The following TTBK2 variants were observed in gnomAD, a reference collection of about 807,000 sequenced individuals.
TTBK2 encodes tau tubulin kinase 2.
TTBK2 carries 28 observed loss-of-function variants against 110.8 expected under a neutral mutation model. The observed-to-expected ratio is 0.25, with a 90% CI of 0.19 to 0.35. TTBK2 has a LOEUF of 0.35. Among genes scored for constraint, TTBK2 ranks in the 10% least tolerant of loss-of-function variants. TTBK2 has a pLI of 1.00. For synonymous variants in TTBK2, 532 were observed against 527.3 expected, an observed-to-expected ratio of 1.01 and a Z score of -0.12; for missense variants, 1,369 against 1,500.3, an observed-to-expected ratio of 0.91 and a Z score of 1.45.
rs955867545 is a variant in TTBK2 at position 42,752,086 on chromosome 15, G to A, written c.3160C>T (p.Pro1054Ser). ...IISQSRKSKI[P>S]RPVSWVNTDQ... ...GTGTTGACCCATGAAACTGGCCTTG[G>A]AATTTTGCTCTTTCTAGACTGGGAG... The change falls in exon 14 of 15, where the codon CCA becomes TCA. Residue 1054 changes from proline (P) to serine (S), a missense_variant. Pro to Ser is a moderately conservative substitution (Grantham distance 74, BLOSUM62 -1). Around this residue, in one of 4 missense-constraint regions of TTBK2, gnomAD observed 1,097 missense variants for 1,114.7 expected, o/e 0.98. Coordinates refer to ENST00000267890, the MANE Select transcript of TTBK2 (RefSeq NM_173500.4). 1 of 1,614,162 alleles carries A rather than the reference G, an allele frequency of 6.2e-7. No individual in the cohort carries two copies. Among genetic ancestry groups the A allele is most frequent in the South Asian group, 1.1e-5 (1 of 91,072 alleles).
chr15:42,911,130 G>A (rs1006414935), intron 1 of TTBK2, among the ~76,000 whole-genome samples: 2 of 152,058 alleles, frequency 1.3e-5, no homozygotes, highest in Non-Finnish European at 2.9e-5. Flanking sequence ...AATTGAACGG[G>A]GAGGTTAATA....
At chr15:42,851,605 G>A (rs1169572329) in intron 3 of TTBK2, among the ~76,000 whole-genome samples, 2 of 151,940 alleles carry the variant, frequency 1.3e-5, no homozygotes, top group Non-Finnish European at 2.9e-5. Flanking sequence ...GGTGGGTAAT[G>A]GAGGGGGATT....
chr15:42,774,978 T>C (rs963279734), intron 13 of TTBK2, among the ~76,000 whole-genome samples, 157 bp downstream of exon 13: 3 of 152,220 alleles, frequency 2.0e-5, no homozygotes, highest in African/African-American at 7.2e-5. Flanking sequence ...AATTTCATAT[T>C]GGAGGGTTGA....
At chr15:42,905,483 C>T (rs78263704) in intron 1 of TTBK2, among the ~76,000 whole-genome samples, 1 of 152,050 alleles carries the variant, frequency 6.6e-6, no homozygotes, top group Non-Finnish European at 1.5e-5. Flanking sequence ...TCTCAAACTC[C>T]TGAATTCAAG....
intron 13 of TTBK2, among the ~76,000 whole-genome samples, chr15:42,762,416 TA>T (rs1186240155): frequency 3.3e-5 from 5 of 152,024 alleles, no homozygotes; most frequent in Non-Finnish European, 5.9e-5. Context: ...GATGAGTGGA[TA>T]AAGAAAATGT....
At chr15:42,806,922 T>C (rs1382551832) in intron 9 of TTBK2, among the ~76,000 whole-genome samples, 1 of 152,036 alleles carries the variant, frequency 6.6e-6, no homozygotes, top group African/African-American at 2.4e-5. Context: ...AGCCAAAAGA[T>C]TGGACACCCC....
intron 14 of TTBK2, among the ~76,000 whole-genome samples, chr15:42,750,470 A>G (rs2061850481): frequency 6.6e-6 from 1 of 152,174 alleles, no homozygotes; most frequent in African/African-American, 2.4e-5. Context: ...ACTAAAATAA[A>G]AAATTCACTA....
At chr15:42,814,338 G>A (rs938693477) in intron 7 of TTBK2, among the ~76,000 whole-genome samples, 3 of 152,132 alleles carry the variant, frequency 2.0e-5, no homozygotes, top group Non-Finnish European at 2.9e-5. Flanking sequence ...CAGCACTTTC[G>A]GGGGCCAAGG....
At chr15:42,850,913 G>A (rs948723481) in intron 3 of TTBK2, among the ~76,000 whole-genome samples, 1 of 151,906 alleles carries the variant, frequency 6.6e-6, no homozygotes, top group Non-Finnish European at 1.5e-5. Flanking sequence ...TTGCAGGTGA[G>A]AGGCTGTAAG....
At chr15:42,887,440 C>T (rs987283587) in intron 1 of TTBK2, among the ~76,000 whole-genome samples, 3 of 152,160 alleles carry the variant, frequency 2.0e-5, no homozygotes, top group Non-Finnish European at 4.4e-5. Context: ...AACCTAATCA[C>T]CCTTACCCCG....
At chr15:42,789,100 T>C (rs112510784) in intron 10 of TTBK2, among the ~76,000 whole-genome samples, 2 of 152,198 alleles carry the variant, frequency 1.3e-5, no homozygotes, top group African/African-American at 4.8e-5. Context: ...CTTCTGAAAA[T>C]ACAATTTTAT....
intron 13 of TTBK2, among the ~76,000 whole-genome samples, chr15:42,762,338 C>A (rs1441937836): frequency 6.6e-6 from 1 of 152,222 alleles, no homozygotes; most frequent in Non-Finnish European, 1.5e-5. Context: ...GATATCTGCA[C>A]ACTCACGTTT....
intron 3 of TTBK2, among the ~76,000 whole-genome samples, chr15:42,842,863 T>A (rs536712473): frequency 1.3e-5 from 2 of 152,274 alleles, no homozygotes; most frequent in South Asian, 4.1e-4. Context: ...TAATTCACAA[T>A]GTACACAGTA....
At chr15:42,887,861 A>G (rs1053137641) in intron 1 of TTBK2, among the ~76,000 whole-genome samples, 1 of 152,068 alleles carries the variant, frequency 6.6e-6, no homozygotes, top group Non-Finnish European at 1.5e-5. Flanking sequence ...GACAGCCTCC[A>G]TTACTTCAGT....
chr15:42,757,113 A>G (rs2061957901), intron 13 of TTBK2, among the ~76,000 whole-genome samples: 1 of 151,566 alleles, frequency 6.6e-6, no homozygotes, highest in African/African-American at 2.4e-5. Context: ...TTTAATTATT[A>G]TTATTATTTT....
chr15:42,815,881 T>C (rs1256496570), intron 7 of TTBK2, among the ~76,000 whole-genome samples: 2 of 108,830 alleles, frequency 1.8e-5, no homozygotes, highest in South Asian at 2.9e-4. Context: ...TTTAAATATA[T>C]ATATATTTAA....
chr15:42,845,539 CA>C (rs1893416350), intron 3 of TTBK2, among the ~76,000 whole-genome samples: 1 of 142,356 alleles, frequency 7.0e-6, no homozygotes, highest in East Asian at 2.1e-4. Context: ...GAGGCTAAGG[CA>C]GGAGAATCAC....
intron 11 of TTBK2, among the ~76,000 whole-genome samples, chr15:42,777,622 G>C (rs1189934551): frequency 6.6e-6 from 1 of 152,182 alleles, no homozygotes; most frequent in African/African-American, 2.4e-5. Flanking sequence ...TCACAATTTA[G>C]GAGAGGCTGC....
chr15:42,746,054 G>A lies in TTBK2; in HGVS notation c.3476C>T (p.Ser1159Phe). 1.2e-6 allele frequency: 2 copies of A among 1,614,170 alleles called. No individual in the cohort carries two copies. Among genetic ancestry groups the A allele is most frequent in the Non-Finnish European group, 1.7e-6 (2 of 1,180,038 alleles). ...TGAGGAACTAGACGTGCGAGGCAAG[G>A]ATGAGCTTCGAGGAGAGGCACTGGG... ...RSPSASPRSS[S>F]LPRTSSSSPS... The change falls in exon 15 of 15, where the codon TCC becomes TTC. Residue 1159 changes from serine (S) to phenylalanine (F), a missense_variant. Around this residue, in one of 4 missense-constraint regions of TTBK2, gnomAD observed 1,097 missense variants for 1,114.7 expected, o/e 0.98. Transcript: ENST00000267890.
Sources: allele counts gnomAD v4.1 joint callset (sites outside exome capture counted in the v4.1 genomes callset), GRCh38; gene constraint gnomAD v4.1.1; regional missense constraint gnomAD v4.1.1; transcripts MANE v1.5; gene names NCBI Gene and HGNC (gene_info 2026-07-23, HGNC 2026-07-21).